SVOPL: variants seen among roughly 807,000 people sequenced by gnomAD.
SVOPL encodes the protein SVOP like, also known as putative transporter SVOPL.
SVOPL carries 60 observed loss-of-function variants against 61.0 expected under a neutral mutation model. That is an observed-to-expected ratio of 0.98 (90% CI 0.80 to 1.22). The LOEUF is 1.22. Ranked by LOEUF, SVOPL falls within the 50% of genes most tolerant of loss-of-function variation. SVOPL has a pLI of 0.00. For synonymous variants in SVOPL, 279 were observed against 250.0 expected, an observed-to-expected ratio of 1.12 and a Z score of -1.09; for missense variants, 662 against 643.9, an observed-to-expected ratio of 1.03 and a Z score of -0.30.
chr7:138,675,990 C>A (rs111693742), intron 3 of SVOPL, among the ~76,000 whole-genome samples: 31,588 of 152,126 alleles, frequency 0.21, 4,218 homozygotes, highest in African/African-American at 0.37. Context: ...AGACACATGC[C>A]ACCACACATA....
At chr7:138,632,705 G>A (rs1288815825) in intron 9 of SVOPL, among the ~76,000 whole-genome samples, 1 of 150,952 alleles carries the variant, frequency 6.6e-6, no homozygotes, top group African/African-American at 2.4e-5. Context: ...GGGAAGATGG[G>A]AGACAGGGGG....
At chr7:138,607,877 T>C (rs36099217) in intron 14 of SVOPL, among the ~76,000 whole-genome samples, 17,224 of 152,086 alleles carry the variant, frequency 0.11, 1,129 homozygotes, top group South Asian at 0.16. Flanking sequence ...GAGACTCAAA[T>C]GAGAAAGTAT....
At chr7:138,646,746 T>C (rs1423137463) in intron 8 of SVOPL, among the ~76,000 whole-genome samples, 1 of 152,154 alleles carries the variant, frequency 6.6e-6, no homozygotes, top group Non-Finnish European at 1.5e-5. Flanking sequence ...CTTGAACTCC[T>C]GGGCTCAAGC....
rs967252435 is a variant in SVOPL at position 138,627,244 on chromosome 7, C to T, written c.1181+106G>A. ...TCAAGCAAGCAGCCCATTCTCTACT[C>T]TCCTGGGTGAAAGTGACTTGTCCCT... is the stretch of plus-strand genomic sequence containing the variant. On this transcript the variant is annotated intron_variant, in intron 12 of 15. Coordinates refer to ENST00000674285, the MANE Select transcript of SVOPL (RefSeq NM_001139456.2). 4 of 808,834 alleles carry T rather than the reference C, an allele frequency of 4.9e-6. No individual in the cohort carries two copies. The African/African-American group carries it at 6.8e-5, about 14-fold the overall frequency. The allele number at this position is 808,834 out of a possible 1,614,324, so 50.1% of individuals were successfully genotyped here.
In SVOPL at chr7:138,662,292, G is replaced by A. The variant is rs1323458643; in HGVS notation, c.345+782C>T. ...AATTCCATCACAGGCTTTAAAACTT[G>A]CATCTGTTTCCTACTGATTGTAATT... is the stretch of plus-strand genomic sequence containing the variant. On this transcript the variant is annotated intron_variant, in intron 5 of 15. Transcript: ENST00000674285. The A allele has an allele frequency of 2.6e-5, 26 of 985,316 alleles. No homozygotes were observed. The South Asian group carries it at 9.9e-4, about 37-fold the overall frequency. The allele number at this position is 985,316 out of a possible 1,614,324, so 61.0% of individuals were successfully genotyped here. A position where few individuals can be genotyped will look rare whatever the true frequency, so the allele number is the denominator to read the frequency against.
At chr7:138,679,720 G>A (rs987486748) in intron 1 of SVOPL, among the ~76,000 whole-genome samples, 3 of 152,038 alleles carry the variant, frequency 2.0e-5, no homozygotes, top group South Asian at 2.1e-4. Flanking sequence ...GTTAGTTCAC[G>A]GAAAGCACTC....
intron 3 of SVOPL, among the ~76,000 whole-genome samples, chr7:138,677,919 A>C (rs1394100606): frequency 6.6e-6 from 1 of 151,896 alleles, no homozygotes; most frequent in African/African-American, 2.4e-5. Context: ...CCAGCCACCA[A>C]GCCCAGCTAA....
chr7:138,663,839 G>C (rs1563128874), intron 4 of SVOPL, among the ~76,000 whole-genome samples: 1 of 152,132 alleles, frequency 6.6e-6, no homozygotes, highest in Non-Finnish European at 1.5e-5. Context: ...AATGCTGTCA[G>C]CTCGCATTTC....
chr7:138,695,023 G>T (rs1166145158), intron 1 of SVOPL, among the ~76,000 whole-genome samples: 1 of 152,182 alleles, frequency 6.6e-6, no homozygotes, highest in Non-Finnish European at 1.5e-5. Context: ...ACAGGCATGA[G>T]CCACCACGCC....
At chr7:138,609,258 G>A (rs530449961) in intron 14 of SVOPL, among the ~76,000 whole-genome samples, 175 of 152,276 alleles carry the variant, frequency 1.1e-3, no homozygotes, top group Admixed American at 3.1e-3. Flanking sequence ...GAGGACTTGA[G>A]CACAATGTAC....
intron 14 of SVOPL, among the ~76,000 whole-genome samples, chr7:138,600,689 AT>A (rs1798478087): frequency 6.6e-6 from 1 of 152,138 alleles, no homozygotes; most frequent in Admixed American, 6.6e-5. Flanking sequence ...CTGAATAGAC[AT>A]TTCTCCAAAG....
chr7:138,604,677 CAAAAA>C (rs5887890), intron 14 of SVOPL, among the ~76,000 whole-genome samples: 3 of 58,790 alleles, frequency 5.1e-5, no homozygotes, highest in African/African-American at 2.6e-4. Context: ...AACTTTATCT[CAAAAA>C]AAAAAAAAAA....
intron 14 of SVOPL, among the ~76,000 whole-genome samples, chr7:138,601,202 A>G (rs1284634712): frequency 2.0e-5 from 3 of 150,636 alleles, no homozygotes; most frequent in African/African-American, 7.4e-5. Flanking sequence ...CAGTGAGCCA[A>G]GATCGTGCCA....
At chr7:138,607,509 C>T (rs965226945) in intron 14 of SVOPL, among the ~76,000 whole-genome samples, 6 of 152,110 alleles carry the variant, frequency 3.9e-5, no homozygotes, top group African/African-American at 1.2e-4. Context: ...GAGAGCACGG[C>T]CAGCAGTCCT....
At chr7:138,679,159 CA>C (rs1563136270) in intron 1 of SVOPL, 80 bp from the exon 2 acceptor site, 7 of 959,242 alleles carry the variant, frequency 7.3e-6, no homozygotes, top group Non-Finnish European at 1.1e-5. Flanking sequence ...ACACTACACA[CA>C]AAATTTCCTG....
At chr7:138,632,469 C>A (rs868485562) in intron 9 of SVOPL, among the ~76,000 whole-genome samples, 37 of 152,074 alleles carry the variant, frequency 2.4e-4, no homozygotes, top group Middle Eastern at 6.8e-3. Flanking sequence ...TGAAGAAGAT[C>A]ACTTAATGGG....
chr7:138,634,025 G>A (rs1177601629), intron 9 of SVOPL, among the ~76,000 whole-genome samples: 1 of 152,176 alleles, frequency 6.6e-6, no homozygotes, highest in Non-Finnish European at 1.5e-5. Context: ...CAGACACAGA[G>A]CATGAGCTGA....
intron 1 of SVOPL, chr7:138,689,415 A>G (rs1305110181): frequency 2.3e-6 from 3 of 1,284,262 alleles, no homozygotes; most frequent in African/African-American, 1.5e-5. Context: ...TCCCTGCCAC[A>G]TCGAGATGAT....
chr7:138,624,792 C>T (rs755583281), intron 13 of SVOPL, among the ~76,000 whole-genome samples: 6 of 151,666 alleles, frequency 4.0e-5, no homozygotes, highest in African/African-American at 7.3e-5. Flanking sequence ...CCAACTCCTG[C>T]ACTCAAGCAA....
Sources: gnomAD v4.1 joint callset for allele counts (sites outside exome capture counted in the v4.1 genomes callset) on GRCh38, gnomAD v4.1.1 for gene constraint, MANE v1.5 for transcripts, NCBI Gene and HGNC (gene_info 2026-07-23, HGNC 2026-07-21) for gene names.